The following HS6ST2 variants were observed in gnomAD, a reference collection of about 807,000 sequenced individuals.
The protein encoded by HS6ST2 is heparan sulfate 6-O-sulfotransferase 2, also known as heparan-sulfate 6-O-sulfotransferase 2.
A neutral mutation model predicts 33.0 loss-of-function variants in HS6ST2; 17 were observed. The ratio of observed to expected loss-of-function variants is 0.52; its 90% CI spans 0.35 to 0.77. The LOEUF is 0.77. Ranked by LOEUF, HS6ST2 falls within the 30% of genes least tolerant of loss-of-function variation. HS6ST2 has a pLI of 0.01. For synonymous variants in HS6ST2, 248 were observed against 237.1 expected (o/e 1.05, Z -0.42); for missense variants, 519 against 551.7 (o/e 0.94, Z 0.59).
In HS6ST2 at chrX:132,794,574, G is replaced by GATTATT. The variant is rs1556445928; in HGVS notation, c.948-86086_948-86081dup. Among the ~76,000 whole-genome samples, 671 of 99,043 alleles carry GATTATT rather than the reference G, an allele frequency of 6.8e-3. 5 individuals are homozygous for GATTATT. The highest frequency in any genetic ancestry group is 0.019 in the African/African-American group (473 of 25,397). The allele number at this position is 99,043 out of a possible 115,157, so 86.0% of individuals were successfully genotyped here. A position where few individuals can be genotyped will look rare whatever the true frequency, so the allele number is the denominator to read the frequency against. On this transcript the variant is annotated intron_variant, in intron 2 of 4. Coordinates refer to ENST00000370833, the MANE Select transcript of HS6ST2 (RefSeq NM_001394073.1). Reference sequence around the variant, plus strand: ...ACTCCTGGATGATGATGATGATGATGATTATTATTATTATTATTATTATTA... The same window carrying GATTATT: ...ACTCCTGGATGATGATGATGATGATGATTATTATTATTATTATTATTATTATTATTA...
chrX:132,666,946 A>C (rs1375802761), intron 4 of HS6ST2, among the ~76,000 whole-genome samples: 1 of 111,127 alleles, frequency 9.0e-6, no homozygotes, highest in African/African-American at 3.3e-5. Flanking sequence ...CCTCCTCACC[A>C]CCACACACAC....
chrX:132,715,375 G>A, intron 2 of HS6ST2, among the ~76,000 whole-genome samples: 1 of 112,285 alleles, frequency 8.9e-6, no homozygotes. Context: ...GTTCAAGGCT[G>A]CAGTGAGCCA....
At chrX:132,709,545 T>G (rs1206792235) in intron 2 of HS6ST2, among the ~76,000 whole-genome samples, 1 of 110,868 alleles carries the variant, frequency 9.0e-6, no homozygotes, top group Non-Finnish European at 1.9e-5. Context: ...TTAAGACTGC[T>G]GGGGAAGCAA....
intron 2 of HS6ST2, among the ~76,000 whole-genome samples, chrX:132,935,627 G>A (rs2066815878): frequency 9.0e-6 from 1 of 111,673 alleles, no homozygotes; most frequent in African/African-American, 3.3e-5. Flanking sequence ...TACAATGTAT[G>A]TTCTCCAATC....
intron 2 of HS6ST2, among the ~76,000 whole-genome samples, chrX:132,905,869 G>A (rs1011629744): frequency 8.9e-6 from 1 of 111,734 alleles, no homozygotes; most frequent in East Asian, 2.8e-4. Flanking sequence ...ATGAAAAAAT[G>A]TTTTTAATTA....
intron 4 of HS6ST2, among the ~76,000 whole-genome samples, chrX:132,642,134 T>C (rs1159417622): frequency 1.8e-5 from 2 of 110,616 alleles, no homozygotes; most frequent in African/African-American, 6.6e-5. Flanking sequence ...CTTTTTCACA[T>C]GGTAGGCCGT....
chrX:132,939,725 T>C (rs1471241492), intron 2 of HS6ST2, among the ~76,000 whole-genome samples: 4 of 112,339 alleles, frequency 3.6e-5, no homozygotes, highest in African/African-American at 9.7e-5. Context: ...AAAATACTTT[T>C]AAATAAATTT....
intron 2 of HS6ST2, among the ~76,000 whole-genome samples, chrX:132,910,073 C>T (rs2066517966): frequency 9.0e-6 from 1 of 111,679 alleles, no homozygotes; most frequent in Non-Finnish European, 1.9e-5. Context: ...CTAATATTTT[C>T]ACGTTCGCTC....
At chrX:132,928,313 T>C (rs2066730337) in intron 2 of HS6ST2, among the ~76,000 whole-genome samples, 1 of 110,229 alleles carries the variant, frequency 9.1e-6, no homozygotes, top group Non-Finnish European at 1.9e-5. Flanking sequence ...AGTTTCACCA[T>C]GTTGGTCAGG....
chrX:132,671,422 T>G (rs1180002887), intron 3 of HS6ST2, among the ~76,000 whole-genome samples: 1 of 108,657 alleles, frequency 9.2e-6, no homozygotes, highest in Non-Finnish European at 1.9e-5. Context: ...CACTAAGTGC[T>G]GAGTCACTAA....
chrX:132,687,386 GA>G (rs1255435992), intron 3 of HS6ST2, among the ~76,000 whole-genome samples: 2 of 111,002 alleles, frequency 1.8e-5, no homozygotes, highest in Non-Finnish European at 3.8e-5. Context: ...TGTTAAAGCA[GA>G]AGCCTCATTA....
intron 2 of HS6ST2, among the ~76,000 whole-genome samples, chrX:132,936,398 T>C (rs2066822439): frequency 9.1e-6 from 1 of 109,598 alleles, no homozygotes; most frequent in Admixed American, 9.7e-5. Flanking sequence ...ACACCAAAAA[T>C]TTAAAAAGAA....
At chrX:132,894,520 GT>G (rs1212537150) in intron 2 of HS6ST2, among the ~76,000 whole-genome samples, 7 of 99,350 alleles carry the variant, frequency 7.0e-5, no homozygotes, top group Admixed American at 4.2e-4. Context: ...GTTATGTTAT[GT>G]TATGTTATTT....
chrX:132,740,607 A>T (rs2064561721), intron 2 of HS6ST2, among the ~76,000 whole-genome samples: 1 of 112,165 alleles, frequency 8.9e-6, no homozygotes, highest in Non-Finnish European at 1.9e-5. Context: ...GGCATAGTTA[A>T]TCCCTTAAGT....
intron 2 of HS6ST2, among the ~76,000 whole-genome samples, chrX:132,842,270 T>G (rs1022871101): frequency 3.6e-5 from 4 of 111,872 alleles, no homozygotes; most frequent in South Asian, 3.8e-4. Context: ...GAACTGTATC[T>G]GCTCAATTTT....
At position 132,685,419 on chromosome X, in the gene HS6ST2, C is replaced by T. The variant is rs1041761147; in HGVS notation, c.981-16220G>A. Among the ~76,000 whole-genome samples, 2 of 111,809 alleles carry T rather than the reference C, an allele frequency of 1.8e-5. 1 individual carries two copies. The highest frequency in any genetic ancestry group is 3.8e-5 in the Non-Finnish European group (2 of 53,191). On this transcript the variant is annotated intron_variant, in intron 3 of 4. Transcript: ENST00000370833. Reference sequence around the variant, plus strand: ...AGATTGTTGGAAGGAGAACCATGCTCATAGTTACTTGGCAAATGTGGAGCC... The same window carrying T: ...AGATTGTTGGAAGGAGAACCATGCTTATAGTTACTTGGCAAATGTGGAGCC...
chrX:132,768,349 A>G (rs900344257), intron 2 of HS6ST2, among the ~76,000 whole-genome samples: 13 of 108,258 alleles, frequency 1.2e-4, no homozygotes, highest in Non-Finnish European at 2.5e-4. Flanking sequence ...AAAAAAAAAA[A>G]AAAAAACTCA....
chrX:132,697,879 G>A (rs974818235), intron 3 of HS6ST2, among the ~76,000 whole-genome samples: 2 of 111,888 alleles, frequency 1.8e-5, no homozygotes, highest in Non-Finnish European at 3.8e-5. Context: ...GAATATCAAT[G>A]CTTCTCAAGA....
rs764871074 is a variant in HS6ST2, at chrX:132,804,062, A to G, written c.948-95568T>C. On this transcript the variant is annotated intron_variant, in intron 2 of 4. Transcript: ENST00000370833. ...TAAATCAAAACTATATTGATAATTT[A>G]TATATGAAAATCAATGCTGAACTAA... 3.6e-5 allele frequency among the ~76,000 whole-genome samples: 4 copies of G among 112,216 alleles called. No individual in the cohort carries two copies. In the Admixed American group the frequency reaches 3.8e-4, roughly 11 times the overall value.
Sources: allele counts gnomAD v4.1 joint callset (sites outside exome capture counted in the v4.1 genomes callset), GRCh38; gene constraint gnomAD v4.1.1; transcripts MANE v1.5; gene names NCBI Gene and HGNC (gene_info 2026-07-23, HGNC 2026-07-21).